The following ACSL5 variants were observed in gnomAD, a reference collection of about 807,000 sequenced individuals.
The protein encoded by ACSL5 is acyl-CoA synthetase long chain family member 5, also known as long-chain-fatty-acid--CoA ligase 5.
Under a neutral mutation model 84.9 loss-of-function variants are expected in ACSL5, and 50 were observed. The observed-to-expected ratio is 0.59, with a 90% CI of 0.47 to 0.75. The LOEUF (loss-of-function observed/expected upper bound fraction) is 0.75, where lower values mean the gene tolerates loss of function less well. ACSL5 is among the 30% of genes least tolerant of loss of function. The pLI is 0.00. For missense variants in ACSL5, 775 were observed against 830.4 expected (o/e 0.93, Z 0.82); for synonymous variants, 280 against 300.7 (o/e 0.93, Z 0.71).
chr10:112,404,971 A>G lies in ACSL5; in HGVS notation c.432+165A>G, dbSNP rs77616403. ...TTGAAAGAGTTACCACTCAGAACCT[A>G]TTTAATTTCTGGTTAAGTGTCTGGC... On this transcript the variant is annotated intron_variant, in intron 5 of 20. Coordinates refer to ENST00000354655, the MANE Select transcript of ACSL5 (RefSeq NM_203379.2). Among the ~76,000 whole-genome samples the G allele has an allele frequency of 2.1e-3, 317 of 152,230 alleles. 2 individuals are homozygous for G. The highest frequency in any genetic ancestry group is 7.4e-3 in the African/African-American group (309 of 41,538).
At chr10:112,381,410 G>C (rs1849345243) in intron 1 of ACSL5, among the ~76,000 whole-genome samples, 1 of 152,134 alleles carries the variant, frequency 6.6e-6, no homozygotes, top group South Asian at 2.1e-4. Context: ...GCTCACACTT[G>C]TAATCCCAGC....
intron 17 of ACSL5, among the ~76,000 whole-genome samples, chr10:112,423,205 AAAAAAAAAAAAAAAAAATATATAT>A (rs1844531912): frequency 3.6e-5 from 2 of 55,892 alleles, no homozygotes; most frequent in African/African-American, 1.2e-4. Flanking sequence ...AAAAAAAAAA[AAAAAAAAAAAAAAAAAATATATAT>A]ATATATATAT....
chr10:112,389,031 G>A (rs576429225), intron 1 of ACSL5, among the ~76,000 whole-genome samples: 1 of 152,294 alleles, frequency 6.6e-6, no homozygotes, highest in East Asian at 1.9e-4. Flanking sequence ...GGGATAGTAT[G>A]AAAGATTCAT....
At chr10:112,383,183 G>A (rs148298145) in intron 1 of ACSL5, among the ~76,000 whole-genome samples, 2 of 152,368 alleles carry the variant, frequency 1.3e-5, no homozygotes, top group African/African-American at 4.8e-5. Flanking sequence ...TACTTGTAAG[G>A]CTGAGGTGGG....
chr10:112,396,702 A>G (rs73363047), intron 2 of ACSL5, among the ~76,000 whole-genome samples: 1,668 of 152,102 alleles, frequency 0.011, 32 homozygotes, highest in African/African-American at 0.038. Context: ...ACACACACAC[A>G]CACACCCCTC....
intron 2 of ACSL5, chr10:112,396,492 T>G (rs1281216749): frequency 6.6e-6 from 1 of 152,208 alleles, no homozygotes; most frequent in Non-Finnish European, 1.5e-5. Context: ...AGGCAGGTGG[T>G]AGGCCAGATT....
rs1224661534 is a variant in ACSL5 at position 112,427,708 on chromosome 10, C to A, written c.*350C>A. Reference sequence around the variant, plus strand: ...TCAAGGGTCAAAGGGACCCTCTGTGCCTTCTTCTTTGTTTTGTGATAAACA... The same window carrying A: ...TCAAGGGTCAAAGGGACCCTCTGTGACTTCTTCTTTGTTTTGTGATAAACA... On this transcript the variant is annotated 3_prime_UTR_variant, in exon 21 of 21. Coordinates refer to ENST00000354655, the MANE Select transcript of ACSL5 (RefSeq NM_203379.2). 4.9e-5 allele frequency: 8 copies of A among 164,630 alleles called. No individual in the cohort carries two copies. The highest frequency in any genetic ancestry group is 2.6e-5 in the Non-Finnish European group (2 of 76,652). The allele number at this position is 164,630 out of a possible 1,614,324, so 10.2% of individuals were successfully genotyped here.
chr10:112,401,847 C>CCTTT (rs1564736565), intron 3 of ACSL5, among the ~76,000 whole-genome samples: 1 of 79,974 alleles, frequency 1.3e-5, no homozygotes, highest in Non-Finnish European at 2.9e-5. Context: ...TTTCTTCCTT[C>CCTTT]CTTCCTTCCT....
rs777903327 is a variant in ACSL5 at position 112,409,529 on chromosome 10, T to C, written c.555T>C (p.Cys185=). ...CAGCTGATATCGCCATGGTGATCTGTGACACACCCCAAAAGGCATTGGTGC... is the reference window on the plus strand; with the variant it reads ...CAGCTGATATCGCCATGGTGATCTGCGACACACCCCAAAAGGCATTGGTGC... The part of the protein sequence containing the change: ...VNKADIAMVI[C]DTPQKALVLI... The change falls in exon 7 of 21, where the codon TGT becomes TGC. Residue 185 remains cysteine (C), a synonymous_variant. Transcript: ENST00000354655. The C allele has an allele frequency of 1.1e-5, 17 of 1,613,570 alleles. No homozygotes were observed. Among genetic ancestry groups the C allele is most frequent in the Non-Finnish European group, 1.4e-5 (17 of 1,179,980 alleles).
intron 18 of ACSL5, 108 bp downstream of exon 18, chr10:112,425,589 T>TA: frequency 1.5e-6 from 1 of 688,522 alleles, no homozygotes. Flanking sequence ...TCCAAGCTTA[T>TA]AAAACTAAAA....
intron 17 of ACSL5, 65 bp from the exon 18 acceptor site, chr10:112,425,273 C>A: frequency 1.4e-6 from 2 of 1,400,322 alleles, no homozygotes; most frequent in East Asian, 2.5e-5. Flanking sequence ...GTGACTTCAC[C>A]ACTCTCCCCA....
chr10:112,401,947 T>TTCTCTC (rs57651640), intron 3 of ACSL5, among the ~76,000 whole-genome samples: 21 of 140,476 alleles, frequency 1.5e-4, no homozygotes, highest in Admixed American at 5.2e-4. Flanking sequence ...TTCTCTTTCT[T>TTCTCTC]TCTCTCTCTC....
chr10:112,394,686 G>A (rs1373028516), intron 1 of ACSL5: 1 of 948,754 alleles, frequency 1.1e-6, no homozygotes, highest in African/African-American at 1.8e-5. Context: ...CTCTGTGTGA[G>A]GACAGTCAAG....
At chr10:112,410,066 C>T (rs776252318) in intron 7 of ACSL5, 2 of 427,502 alleles carry the variant, frequency 4.7e-6, no homozygotes, top group Non-Finnish European at 6.2e-6. Context: ...AAAATAATCA[C>T]TACCTCACAG....
intron 12 of ACSL5, among the ~76,000 whole-genome samples, chr10:112,413,568 A>C (rs1000995592): frequency 6.6e-6 from 1 of 152,102 alleles, no homozygotes; most frequent in Non-Finnish European, 1.5e-5. Flanking sequence ...TCTACTAAAA[A>C]TACAAAAATT....
Position 112,394,907 on chromosome 10 carries a change from T to C in ACSL5, c.-29-11T>C. 1 of 1,609,924 alleles carries C rather than the reference T, an allele frequency of 6.2e-7. No homozygotes were observed. The highest frequency in any genetic ancestry group is 8.5e-7 in the Non-Finnish European group (1 of 1,179,110). On this transcript the variant is annotated splice_polypyrimidine_tract_variant and intron_variant, in intron 1 of 20. Transcript: ENST00000354655. ...TCCTCTAAATTTTCTTTCCCCTGTTTTTTTTTTAAGGTCTGAATTTCCTGC... is the reference window on the plus strand; with the variant it reads ...TCCTCTAAATTTTCTTTCCCCTGTTCTTTTTTTAAGGTCTGAATTTCCTGC...
Position 112,422,476 on chromosome 10 carries a change from C to T in ACSL5, c.1593+35C>T, listed in dbSNP as rs779350333. ...TCATCAGAACTCCTGGAAGTCTATG[C>T]TAATGGACTGAGAAGAACAATCTGC... On this transcript the variant is annotated intron_variant, in intron 17 of 20. Transcript: ENST00000354655. 9.0e-6 allele frequency: 14 copies of T among 1,555,204 alleles called. No individual in the cohort carries two copies. In the Admixed American group the frequency reaches 2.2e-4, roughly 25 times the overall value.
intron 1 of ACSL5, among the ~76,000 whole-genome samples, chr10:112,390,193 A>G (rs1369692361): frequency 2.6e-5 from 4 of 152,244 alleles, no homozygotes; most frequent in Non-Finnish European, 2.9e-5. Flanking sequence ...GTATATATAT[A>G]TATGACCTAA....
intron 2 of ACSL5, among the ~76,000 whole-genome samples, chr10:112,396,752 C>G (rs779044968): frequency 9.2e-5 from 14 of 152,036 alleles, no homozygotes; most frequent in Non-Finnish European, 1.6e-4. Flanking sequence ...CTCTTCTTAC[C>G]CAGTTGCCAA....
Sources: gnomAD v4.1 joint callset for allele counts (sites outside exome capture counted in the v4.1 genomes callset) on GRCh38, gnomAD v4.1.1 for gene constraint, MANE v1.5 for transcripts, NCBI Gene and HGNC (gene_info 2026-07-23, HGNC 2026-07-21) for gene names.